The following ZC3H12B variants were observed in gnomAD, a reference collection of about 807,000 sequenced individuals.
ZC3H12B encodes the protein zinc finger CCCH-type containing 12B.
A neutral mutation model predicts 43.9 loss-of-function variants in ZC3H12B; 7 were observed. The ratio of observed to expected loss-of-function variants is 0.16; its 90% CI spans 0.09 to 0.30. The LOEUF (loss-of-function observed/expected upper bound fraction) is 0.30, where lower values mean the gene tolerates loss of function less well. ZC3H12B is among the 10% of genes least tolerant of loss of function. ZC3H12B has a pLI of 1.00. For missense variants in ZC3H12B, 475 were observed against 670.2 expected (o/e 0.71, Z 3.22); for synonymous variants, 222 against 241.7 (o/e 0.92, Z 0.76).
the ZC3H12B span, among the ~76,000 whole-genome samples, chrX:65,249,009 T>A: frequency 1.8e-5 from 2 of 111,350 alleles, no homozygotes; most frequent in Middle Eastern, 4.6e-3. Context: ...ATCGTGAAGG[T>A]TTTTTACTCA....
At chrX:65,098,514 G>A in the ZC3H12B span, among the ~76,000 whole-genome samples, 4 of 109,821 alleles carry the variant, frequency 3.6e-5, no homozygotes, top group African/African-American at 1.3e-4. Context: ...AATGCAGGAG[G>A]CAGGTAATTT....
chrX:65,061,026 C>T, the ZC3H12B span, among the ~76,000 whole-genome samples: 1 of 111,988 alleles, frequency 8.9e-6, no homozygotes, highest in Non-Finnish European at 1.9e-5. Flanking sequence ...TGTCCATTTA[C>T]TATAGATTTT....
chrX:65,344,886 T>C, the ZC3H12B span, among the ~76,000 whole-genome samples: 1 of 111,908 alleles, frequency 8.9e-6, no homozygotes, highest in Non-Finnish European at 1.9e-5. Context: ...TCATTAAAAG[T>C]GGACAAAGGA....
intron 2 of ZC3H12B, among the ~76,000 whole-genome samples, chrX:65,371,242 C>T (rs1283759391): frequency 8.9e-6 from 1 of 111,870 alleles, no homozygotes; most frequent in Non-Finnish European, 1.9e-5. Context: ...TAGCATAATC[C>T]TTTACATTTT....
chrX:65,388,180 G>T (rs947586594), intron 2 of ZC3H12B, among the ~76,000 whole-genome samples: 1 of 111,589 alleles, frequency 9.0e-6, no homozygotes, highest in African/African-American at 3.3e-5. Context: ...GAATTTGAAT[G>T]TTGGCCTGCC....
At chrX:65,488,882 C>G in exon 1 of ZC3H12B, 1 of 1,209,636 alleles carries the variant, frequency 8.3e-7, no homozygotes, top group Non-Finnish European at 1.1e-6. Flanking sequence ...CTAAGCAGGA[C>G]AGCACAGAGC....
At chrX:65,179,476 A>T in the ZC3H12B span, among the ~76,000 whole-genome samples, 2 of 111,195 alleles carry the variant, frequency 1.8e-5, no homozygotes, top group East Asian at 5.6e-4. Context: ...AGCAGAAGAC[A>T]TGAAATAACT....
chrX:65,242,917 A>G, the ZC3H12B span, among the ~76,000 whole-genome samples: 1 of 112,423 alleles, frequency 8.9e-6, no homozygotes, highest in Non-Finnish European at 1.9e-5. Context: ...GGAAACTTAG[A>G]TGTCCACATG....
chrX:65,454,109 G>T (rs773550875), intron 3 of ZC3H12B, among the ~76,000 whole-genome samples: 4 of 112,620 alleles, frequency 3.6e-5, no homozygotes, highest in Non-Finnish European at 7.5e-5. Flanking sequence ...GAGGTACCAG[G>T]TGCATCTCAC....
the ZC3H12B span, among the ~76,000 whole-genome samples, chrX:65,206,474 A>G: frequency 8.0e-5 from 9 of 111,938 alleles, no homozygotes; most frequent in Admixed American, 8.6e-4. Flanking sequence ...GAAGAATGAA[A>G]CGGATCCTCA....
At chrX:65,311,085 G>A in the ZC3H12B span, among the ~76,000 whole-genome samples, 2 of 111,798 alleles carry the variant, frequency 1.8e-5, no homozygotes, top group Non-Finnish European at 3.8e-5. Context: ...CATAGGCATG[G>A]GCAAGGACTT....
chrX:65,323,200 G>A, the ZC3H12B span, among the ~76,000 whole-genome samples: 1 of 112,184 alleles, frequency 8.9e-6, no homozygotes, highest in African/African-American at 3.2e-5. Context: ...TAAGTGGTGA[G>A]AGTTGGCATC....
the ZC3H12B span, among the ~76,000 whole-genome samples, chrX:65,127,812 C>G: frequency 9.0e-6 from 1 of 110,940 alleles, no homozygotes; most frequent in Non-Finnish European, 1.9e-5. Flanking sequence ...GGAAAGCTGG[C>G]AGTCACAGGC....
At chrX:65,318,183 A>ATT in the ZC3H12B span, among the ~76,000 whole-genome samples, 4,785 of 96,939 alleles carry the variant, frequency 0.049, 336 homozygotes, top group African/African-American at 0.17. Flanking sequence ...GCCAACATGT[A>ATT]TTTTTTTTTT....
At chrX:65,232,016 A>T in the ZC3H12B span, among the ~76,000 whole-genome samples, 1 of 109,747 alleles carries the variant, frequency 9.1e-6, no homozygotes, top group African/African-American at 3.3e-5. Flanking sequence ...CGGGCAGAAC[A>T]CAAGGTCAGG....
chrX:65,385,213 G>C (rs1045623095), intron 2 of ZC3H12B, among the ~76,000 whole-genome samples: 3 of 112,019 alleles, frequency 2.7e-5, no homozygotes, highest in African/African-American at 9.8e-5. Context: ...GATGGGGATG[G>C]CATTGAATCT....
At chrX:65,333,048 C>T in the ZC3H12B span, among the ~76,000 whole-genome samples, 1 of 111,349 alleles carries the variant, frequency 9.0e-6, no homozygotes, top group African/African-American at 3.3e-5. Context: ...TGGTTTTGTG[C>T]CATCAAATGC....
chrX:65,295,377 T>G, the ZC3H12B span, among the ~76,000 whole-genome samples: 4 of 111,122 alleles, frequency 3.6e-5, no homozygotes, highest in Admixed American at 9.6e-5. Context: ...GTGACACAAC[T>G]TATCAAAACC....
At chrX:65,118,033 T>G in the ZC3H12B span, among the ~76,000 whole-genome samples, 1 of 111,883 alleles carries the variant, frequency 8.9e-6, no homozygotes, top group Non-Finnish European at 1.9e-5. Context: ...TAGGATTGTC[T>G]TGGCAATGTG....
Sources: gnomAD v4.1 joint callset for allele counts (sites outside exome capture counted in the v4.1 genomes callset) on GRCh38, gnomAD v4.1.1 for gene constraint, MANE v1.5 for transcripts, NCBI Gene and HGNC (gene_info 2026-07-23, HGNC 2026-07-21) for gene names.